The following FAM135B variants were observed in gnomAD, a reference collection of about 807,000 sequenced individuals.
FAM135B encodes the protein family with sequence similarity 135 member B, also known as protein FAM135B.
A neutral mutation model predicts 127.7 loss-of-function variants in FAM135B; 43 were observed. The observed-to-expected ratio is 0.34, with a 90% CI of 0.26 to 0.43. The LOEUF (loss-of-function observed/expected upper bound fraction) is 0.43, where lower values mean the gene tolerates loss of function less well. Ranked by LOEUF, FAM135B falls within the 20% of genes least tolerant of loss-of-function variation. FAM135B has a pLI of 1.00. For synonymous variants in FAM135B, 670 were observed against 665.1 expected (o/e 1.01, Z -0.11); for missense variants, 1,558 against 1,725.6 (o/e 0.90, Z 1.72).
chr8:138,336,080 C>G (rs1211326162), intron 2 of FAM135B, among the ~76,000 whole-genome samples: 2 of 151,864 alleles, frequency 1.3e-5, no homozygotes, highest in African/African-American at 2.4e-5. Flanking sequence ...CACAACATAC[C>G]AGAATCTCTG....
At chr8:138,360,576 T>A (rs181978175) in intron 2 of FAM135B, among the ~76,000 whole-genome samples, 89 of 152,312 alleles carry the variant, frequency 5.8e-4, no homozygotes, top group African/African-American at 2.1e-3. Context: ...TTCTTTATAA[T>A]AAAGAGGCTA....
At chr8:138,439,197 C>G (rs750633350) in intron 1 of FAM135B, 1 of 152,166 alleles carries the variant, frequency 6.6e-6, no homozygotes, top group Non-Finnish European at 1.5e-5. Context: ...TTTGAGGAGG[C>G]TCCAGTACAA....
rs144939952 is a variant in FAM135B, at chr8:138,151,525, T to C, written c.2950A>G (p.Thr984Ala). 403 of 1,614,246 alleles carry C rather than the reference T, an allele frequency of 2.5e-4. 3 individuals are homozygous for C. In the South Asian group the frequency reaches 4.2e-3, roughly 17 times the overall value. Residue 984 changes from threonine to alanine, a missense_variant, in exon 13 of 20, where the codon ACT becomes GCT. Around this residue, in one of 5 missense-constraint regions of FAM135B, gnomAD observed 923 missense variants for 865.3 expected, o/e 1.07. Transcript: ENST00000395297. ...GAATGGGTCACAGTGGGGCACACAGTGCCTGCTTTATGTTTAGCCTCCGGG... is the reference window on the plus strand; with the variant it reads ...GAATGGGTCACAGTGGGGCACACAGCGCCTGCTTTATGTTTAGCCTCCGGG... The part of the protein sequence containing the change: ...AFPEAKHKAG[T>A]VCPTVTHSVH...
intron 11 of FAM135B, among the ~76,000 whole-genome samples, chr8:138,176,285 G>A (rs1330640721): frequency 2.0e-5 from 3 of 152,330 alleles, no homozygotes; most frequent in South Asian, 2.1e-4. Context: ...ACCTATTGTT[G>A]CAGTAACTCT....
chr8:138,191,847 T>C (rs1249436591), intron 9 of FAM135B, among the ~76,000 whole-genome samples: 1 of 152,228 alleles, frequency 6.6e-6, no homozygotes, highest in African/African-American at 2.4e-5. Context: ...CATCATTTGA[T>C]AAATACTTGC....
At chr8:138,396,552 T>C (rs146145189) in intron 1 of FAM135B, among the ~76,000 whole-genome samples, 34 of 152,264 alleles carry the variant, frequency 2.2e-4, no homozygotes, top group Admixed American at 9.2e-4. Flanking sequence ...TCTATGGATG[T>C]GTTTAGTTAT....
chr8:138,245,496 T>A (rs1285788676), intron 6 of FAM135B, among the ~76,000 whole-genome samples: 1 of 152,176 alleles, frequency 6.6e-6, no homozygotes, highest in Non-Finnish European at 1.5e-5. Flanking sequence ...CCCCATTTGC[T>A]CAGCACTTCT....
chr8:138,351,394 G>C (rs1291703513), intron 2 of FAM135B, among the ~76,000 whole-genome samples: 1 of 152,148 alleles, frequency 6.6e-6, no homozygotes, highest in Admixed American at 6.5e-5. Flanking sequence ...TGAAGAGACA[G>C]GTAGAACACT....
intron 7 of FAM135B, among the ~76,000 whole-genome samples, chr8:138,233,664 C>G (rs964940327): frequency 1.3e-5 from 2 of 152,058 alleles, no homozygotes; most frequent in Middle Eastern, 3.2e-3. Context: ...AATAGATGAG[C>G]AGGACTACAC....
chr8:138,169,254 C>T (rs767727864), intron 11 of FAM135B, among the ~76,000 whole-genome samples: 2 of 151,936 alleles, frequency 1.3e-5, no homozygotes, highest in East Asian at 3.9e-4. Flanking sequence ...GTTATTTTCT[C>T]TTCATCAAAG....
chr8:138,405,459 C>G (rs928075419), intron 1 of FAM135B, among the ~76,000 whole-genome samples: 1 of 148,890 alleles, frequency 6.7e-6, no homozygotes, highest in East Asian at 2.0e-4. Flanking sequence ...TGAGAACATG[C>G]GGTGTTTGGT....
chr8:138,432,205 T>A (rs56946539), intron 1 of FAM135B, among the ~76,000 whole-genome samples: 1 of 152,140 alleles, frequency 6.6e-6, no homozygotes, highest in East Asian at 1.9e-4. Flanking sequence ...GTAGTCAGCA[T>A]AAAGGTAAAA....
chr8:138,441,984 C>A (rs1447095732), intron 1 of FAM135B, among the ~76,000 whole-genome samples: 1 of 151,748 alleles, frequency 6.6e-6, no homozygotes, highest in Non-Finnish European at 1.5e-5. Flanking sequence ...ATCACACACA[C>A]ACCGAGTGAT....
chr8:138,293,257 G>A (rs941440097), intron 3 of FAM135B, among the ~76,000 whole-genome samples: 3 of 152,140 alleles, frequency 2.0e-5, no homozygotes, highest in African/African-American at 4.8e-5. Context: ...AACTCAAGAT[G>A]AGTCAAAGAC....
intron 1 of FAM135B, among the ~76,000 whole-genome samples, chr8:138,455,668 G>A (rs1836734196): frequency 6.6e-6 from 1 of 152,072 alleles, no homozygotes; most frequent in South Asian, 2.1e-4. Flanking sequence ...GTTCTTTCTT[G>A]TCTAGCATTA....
At chr8:138,178,798 C>T (rs1297469821) in intron 9 of FAM135B, 108 bp from the exon 10 acceptor site, 2 of 842,690 alleles carry the variant, frequency 2.4e-6, no homozygotes, top group Non-Finnish European at 3.8e-6. Flanking sequence ...AAAGCACTCT[C>T]CTTTCTCTGT....
At chr8:138,165,385 G>A (rs1015958194) in intron 12 of FAM135B, among the ~76,000 whole-genome samples, 1 of 152,042 alleles carries the variant, frequency 6.6e-6, no homozygotes, top group African/African-American at 2.4e-5. Flanking sequence ...CTCCCAAAGT[G>A]CAGAGATTAC....
chr8:138,267,083 C>T (rs1172576848), intron 3 of FAM135B, among the ~76,000 whole-genome samples: 1 of 152,172 alleles, frequency 6.6e-6, no homozygotes, highest in Non-Finnish European at 1.5e-5. Context: ...CCCCAAGATG[C>T]ATATCTTTCA....
rs546204970 is a variant in FAM135B, at chr8:138,447,642, C to T, written c.-20+49029G>A. Among the ~76,000 whole-genome samples, 15 of 103,016 alleles carry T rather than the reference C, an allele frequency of 1.5e-4. 1 individual carries two copies. The highest frequency in any genetic ancestry group is 6.6e-4 in the South Asian group (2 of 3,044). 67.6% of individuals were successfully genotyped at this position (103,016 alleles called of 152,430 possible). A position where few individuals can be genotyped will look rare whatever the true frequency, so the allele number is the denominator to read the frequency against. On this transcript the variant is annotated intron_variant, in intron 1 of 19. Transcript: ENST00000395297. ...ACACAGGAAGGGGGACATGACACAC[C>T]GGGGCCTGTTGTGGGGTGGGGATTG...
Sources: gnomAD v4.1 joint callset for allele counts (sites outside exome capture counted in the v4.1 genomes callset) on GRCh38, gnomAD v4.1.1 for gene constraint, gnomAD v4.1.1 regional missense constraint, MANE v1.5 for transcripts, NCBI Gene and HGNC (gene_info 2026-07-23, HGNC 2026-07-21) for gene names.